Variants in UBE2E2 observed in about 807,000 individuals in gnomAD.
UBE2E2 encodes the protein ubiquitin-conjugating enzyme E2 E2.
In UBE2E2, 6 loss-of-function variants were observed where a neutral mutation model predicts 24.7. The ratio of observed to expected loss-of-function variants is 0.24; its 90% CI spans 0.13 to 0.48. The LOEUF (loss-of-function observed/expected upper bound fraction) is 0.48, where lower values mean the gene tolerates loss of function less well. UBE2E2 is among the 20% of genes least tolerant of loss of function. The pLI is 0.99. For synonymous variants in UBE2E2, 104 were observed against 83.6 expected (o/e 1.24, Z -1.33); for missense variants, 169 against 245.0 (o/e 0.69, Z 2.07).
chr3:23,489,776 A>G (rs887083493), intron 3 of UBE2E2, among the ~76,000 whole-genome samples: 1 of 152,154 alleles, frequency 6.6e-6, no homozygotes, highest in African/African-American at 2.4e-5. Context: ...TAGAGGGTTC[A>G]GGTTTTCTTC....
At chr3:23,270,898 A>C (rs770927430) in intron 3 of UBE2E2, 3 of 455,992 alleles carry the variant, frequency 6.6e-6, no homozygotes, top group Non-Finnish European at 1.3e-5. Flanking sequence ...ATAATTGTCT[A>C]ACATTTATGA....
intron 3 of UBE2E2, among the ~76,000 whole-genome samples, chr3:23,226,449 T>G (rs1453127236): frequency 6.6e-6 from 1 of 151,340 alleles, no homozygotes; most frequent in Non-Finnish European, 1.5e-5. Flanking sequence ...TTCAACCACT[T>G]TCTGAAACTC....
At position 23,248,805 on chromosome 3, in the gene UBE2E2, C is replaced by T. The variant is rs150752811; in HGVS notation, c.227+31493C>T. Among the ~76,000 whole-genome samples the T allele has an allele frequency of 4.6e-5, 7 of 152,192 alleles. No individual in the cohort carries two copies. The East Asian group carries it at 1.4e-3, about 29-fold the overall frequency. ...ACAGTGATTTTTAGTCTTTCCTAAA[C>T]TTAGTCAGCTACTTCATCTGTTATT... is the stretch of plus-strand genomic sequence containing the variant. On this transcript the variant is annotated intron_variant, in intron 3 of 5. Transcript: ENST00000396703.
chr3:23,564,936 T>C (rs1486973768), intron 5 of UBE2E2, among the ~76,000 whole-genome samples: 1 of 152,128 alleles, frequency 6.6e-6, no homozygotes, highest in Non-Finnish European at 1.5e-5. Flanking sequence ...AAACCAGGCA[T>C]ATGAGAAGGG....
At chr3:23,278,199 A>T (rs993739636) in intron 3 of UBE2E2, among the ~76,000 whole-genome samples, 2 of 152,134 alleles carry the variant, frequency 1.3e-5, no homozygotes, top group Non-Finnish European at 2.9e-5. Flanking sequence ...GATCCCTTGC[A>T]TATTAACACA....
chr3:23,577,002 A>G (rs974352686), intron 5 of UBE2E2, among the ~76,000 whole-genome samples: 3 of 151,444 alleles, frequency 2.0e-5, no homozygotes, highest in Non-Finnish European at 4.4e-5. Flanking sequence ...GTGCTCTTTC[A>G]TGTCTCTGTG....
At chr3:23,343,130 A>G (rs1695446826) in intron 3 of UBE2E2, among the ~76,000 whole-genome samples, 1 of 152,130 alleles carries the variant, frequency 6.6e-6, no homozygotes, top group African/African-American at 2.4e-5. Flanking sequence ...ATACATATAC[A>G]AACTACATTT....
At chr3:23,451,153 T>C (rs1192868782) in intron 3 of UBE2E2, among the ~76,000 whole-genome samples, 2 of 152,226 alleles carry the variant, frequency 1.3e-5, no homozygotes, top group Admixed American at 1.3e-4. Context: ...TATTGGAGGC[T>C]GAGGTGGGAG....
intron 3 of UBE2E2, among the ~76,000 whole-genome samples, chr3:23,359,578 C>G (rs921023779): frequency 6.6e-6 from 1 of 151,980 alleles, no homozygotes; most frequent in African/African-American, 2.4e-5. Flanking sequence ...GATCTTTGAT[C>G]TATTAAAAAA....
chr3:23,339,329 G>T (rs1233226225), intron 3 of UBE2E2, among the ~76,000 whole-genome samples: 1 of 152,026 alleles, frequency 6.6e-6, no homozygotes, highest in African/African-American at 2.4e-5. Context: ...TGTGGTATTT[G>T]GATCAAACAC....
chr3:23,337,936 G>C (rs567870876), intron 3 of UBE2E2, among the ~76,000 whole-genome samples: 5 of 152,278 alleles, frequency 3.3e-5, no homozygotes, highest in Admixed American at 6.5e-5. Context: ...AGCAAAATTG[G>C]ATGTGGGGAG....
At chr3:23,480,143 C>T (rs547847303) in intron 3 of UBE2E2, among the ~76,000 whole-genome samples, 44 of 152,358 alleles carry the variant, frequency 2.9e-4, no homozygotes, top group African/African-American at 1.0e-3. Context: ...CCATGCCAAG[C>T]TGCCCGCAGT....
intron 4 of UBE2E2, among the ~76,000 whole-genome samples, chr3:23,501,776 GCT>G (rs1434545534): frequency 2.0e-5 from 3 of 152,126 alleles, no homozygotes; most frequent in Non-Finnish European, 4.4e-5. Flanking sequence ...CTTGTGTGTA[GCT>G]CTACCTCTGA....
At chr3:23,546,460 A>ATTTTTTTTT (rs899923576) in intron 5 of UBE2E2, among the ~76,000 whole-genome samples, 12 of 76,890 alleles carry the variant, frequency 1.6e-4, no homozygotes, top group African/African-American at 2.3e-4. Context: ...GAACATTTAG[A>ATTTTTTTTT]TTTTTTTTTT....
chr3:23,569,876 T>G (rs1484256468), intron 5 of UBE2E2, among the ~76,000 whole-genome samples: 3 of 152,216 alleles, frequency 2.0e-5, no homozygotes, highest in Non-Finnish European at 4.4e-5. Flanking sequence ...AGCCATTGTA[T>G]TTTTACTGTT....
chr3:23,414,230 C>T (rs1240088692), intron 3 of UBE2E2, among the ~76,000 whole-genome samples: 1 of 152,140 alleles, frequency 6.6e-6, no homozygotes, highest in Non-Finnish European at 1.5e-5. Flanking sequence ...CCATATTGGT[C>T]CATTTTTTCC....
At chr3:23,222,073 T>C (rs1213716056) in intron 3 of UBE2E2, among the ~76,000 whole-genome samples, 1 of 152,156 alleles carries the variant, frequency 6.6e-6, no homozygotes, top group Non-Finnish European at 1.5e-5. Flanking sequence ...CATTTTTAGC[T>C]CTCATGTAAG....
At chr3:23,519,970 C>T (rs1479182535) in intron 4 of UBE2E2, among the ~76,000 whole-genome samples, 2 of 152,122 alleles carry the variant, frequency 1.3e-5, no homozygotes, top group Non-Finnish European at 2.9e-5. Flanking sequence ...TTCTTCTCTT[C>T]GCTATTCACT....
chr3:23,480,042 T>G (rs565065290), intron 3 of UBE2E2, among the ~76,000 whole-genome samples: 232 of 152,262 alleles, frequency 1.5e-3, no homozygotes, highest in African/African-American at 5.3e-3. Flanking sequence ...GGAGTTTCAC[T>G]GGGGACCTGC....
Sources: allele counts gnomAD v4.1 joint callset (sites outside exome capture counted in the v4.1 genomes callset), GRCh38; gene constraint gnomAD v4.1.1; transcripts MANE v1.5; gene names NCBI Gene and HGNC (gene_info 2026-07-23, HGNC 2026-07-21).